FAAP100: variants seen among roughly 807,000 people sequenced by gnomAD.
The protein encoded by FAAP100 is Fanconi anemia core complex-associated protein 100.
A neutral mutation model predicts 65.8 loss-of-function variants in FAAP100; 46 were observed. The observed-to-expected ratio is 0.70, with a 90% CI of 0.55 to 0.89. FAAP100 has a LOEUF of 0.89. Ranked by LOEUF, FAAP100 falls within the 40% of genes least tolerant of loss-of-function variation. The pLI, the probability that FAAP100 is intolerant of heterozygous loss-of-function variation, is 0.00. For missense variants in FAAP100, 1,165 were observed against 1,196.7 expected (o/e 0.97, Z 0.39); for synonymous variants, 663 against 555.1 (o/e 1.19, Z -2.73).
At chr17:81,542,166 C>CAAAAAAAAA (rs1157407171) in intron 7 of FAAP100, among the ~76,000 whole-genome samples, 1 of 63,758 alleles carries the variant, frequency 1.6e-5, no homozygotes, top group Non-Finnish European at 2.5e-5. Flanking sequence ...GACTCCGTCT[C>CAAAAAAAAA]AAAAAAAAAA....
intron 6 of FAAP100, 139 bp downstream of exon 6, chr17:81,545,607 A>AT: frequency 8.2e-7 from 1 of 1,213,124 alleles, no homozygotes; most frequent in South Asian, 1.6e-5. Context: ...GGAAACTGTC[A>AT]TATCAGAGTC....
chr17:81,541,077 T>C (rs1266011503), intron 8 of FAAP100, 127 bp from the exon 9 acceptor site: 3 of 1,286,424 alleles, frequency 2.3e-6, no homozygotes, highest in Admixed American at 5.2e-5. Context: ...GGAAGAACAC[T>C]CATCCGGAAC....
intron 5 of FAAP100, chr17:81,546,590 C>T (rs11868828): frequency 0.13 from 40,087 of 314,966 alleles, 3,415 homozygotes; most frequent in African/African-American, 0.27. Context: ...CAGAGCCCAA[C>T]AGCAGAGAGA....
At chr17:81,541,034 A>C in intron 8 of FAAP100, 84 bp from the exon 9 acceptor site, 2 of 1,448,012 alleles carry the variant, frequency 1.4e-6, no homozygotes, top group Non-Finnish European at 1.8e-6. Context: ...CACCACTCGC[A>C]GGACCCTACT....
intron 2 of FAAP100, 170 bp downstream of exon 2, chr17:81,551,758 G>C: frequency 1.5e-6 from 2 of 1,366,762 alleles, no homozygotes; most frequent in Non-Finnish European, 1.9e-6. Context: ...GACACTTGCA[G>C]AAAGAGTGCT....
In FAAP100 at chr17:81,540,621, G is replaced by C; in HGVS notation, c.*198C>G. The C allele has an allele frequency of 5.8e-6, 4 of 693,764 alleles. No individual in the cohort carries two copies. The South Asian group carries it at 1.3e-4, about 23-fold the overall frequency. 43.0% of individuals were successfully genotyped at this position (693,764 alleles called of 1,614,324 possible). ...CCGGCCAGGTTCAGAGCCCGCCTCG[G>C]TTGCTCCCAATCAGAATCTGCTTTG... On this transcript the variant is annotated 3_prime_UTR_variant, in exon 9 of 9. Coordinates refer to ENST00000327787, the MANE Select transcript of FAAP100 (RefSeq NM_025161.6).
intron 5 of FAAP100, 33 bp from the exon 6 acceptor site, chr17:81,545,915 T>C: frequency 6.3e-7 from 1 of 1,588,822 alleles, no homozygotes; most frequent in South Asian, 1.1e-5. Context: ...GAGCTCAGCC[T>C]GATCCTACCA....
At position 81,551,207 on chromosome 17, in the gene FAAP100, T is replaced by A; in HGVS notation, c.291-4A>T. ...CCTGTCATCCTGGCTCGTAGACCTT[T>A]GAGAACAGGGACGCACTGGTCAGGC... On this transcript the variant is annotated splice_polypyrimidine_tract_variant and splice_region_variant and intron_variant, in intron 2 of 8. Transcript: ENST00000327787. 1 of 1,513,252 alleles carries A rather than the reference T, an allele frequency of 6.6e-7. No individual in the cohort carries two copies. Among genetic ancestry groups the A allele is most frequent in the Non-Finnish European group, 8.9e-7 (1 of 1,123,436 alleles). The allele number at this position is 1,513,252 out of a possible 1,614,324, so 93.7% of individuals were successfully genotyped here.
At position 81,540,314 on chromosome 17, in the gene FAAP100, T is replaced by C; in HGVS notation, c.*505A>G. The C allele has an allele frequency of 2.5e-6, 1 of 399,586 alleles. No homozygotes were observed. The highest frequency in any genetic ancestry group is 4.4e-6 in the Non-Finnish European group (1 of 226,602). 24.8% of individuals were successfully genotyped at this position (399,586 alleles called of 1,614,324 possible). ...CCCAGAGTGGGCAGCCGGGCAGGTG[T>C]GAACAGTGTGACAAGGGTACCGTGG... On this transcript the variant is annotated 3_prime_UTR_variant, in exon 9 of 9. Coordinates refer to ENST00000327787, the MANE Select transcript of FAAP100 (RefSeq NM_025161.6).
intron 4 of FAAP100, among the ~76,000 whole-genome samples, chr17:81,548,972 G>A (rs190727557): frequency 2.1e-5 from 3 of 142,368 alleles, no homozygotes; most frequent in Admixed American, 7.2e-5. Context: ...CCCGGGAGGC[G>A]GAGCTTGCAG....
chr17:81,541,363 G>T lies in FAAP100; in HGVS notation c.2460C>A (p.Ser820=). The part of the protein sequence containing the change: ...TMVTEQATQG[S]SAPDLRVQYL... The stretch of plus-strand genomic sequence containing the variant: ...ACTGCACACGGAGATCAGGAGCGCT[G>T]GAGCCCTGGGTGGCCTGCTCTGTCA... Residue 820 remains serine, a synonymous_variant, in exon 8 of 9, where the codon TCC becomes TCA. Coordinates refer to ENST00000327787, the MANE Select transcript of FAAP100 (RefSeq NM_025161.6). 6.2e-7 allele frequency: 1 copy of T among 1,611,600 alleles called. No homozygotes were observed.
At chr17:81,543,428 G>A (rs988577307) in intron 7 of FAAP100, among the ~76,000 whole-genome samples, 23 of 152,196 alleles carry the variant, frequency 1.5e-4, no homozygotes, top group African/African-American at 4.1e-4. Flanking sequence ...GCCTTCCCGC[G>A]GGCACGAGCT....
intron 3 of FAAP100, 116 bp downstream of exon 3, chr17:81,550,132 C>G (rs915170588): frequency 9.7e-7 from 1 of 1,029,958 alleles, no homozygotes; most frequent in African/African-American, 1.6e-5. Flanking sequence ...TATCAGCACC[C>G]GTCAGCCTTG....
Position 81,540,569 on chromosome 17 carries a change from G to C in FAAP100, c.*250C>G, listed in dbSNP as rs995330570. 4.3e-5 allele frequency: 20 copies of C among 461,304 alleles called. No individual in the cohort carries two copies. Among genetic ancestry groups the C allele is most frequent in the Non-Finnish European group, 7.1e-5 (19 of 266,902 alleles). 28.6% of individuals were successfully genotyped at this position (461,304 alleles called of 1,614,324 possible). ...CTGCGGCCGCGGTCAGAGAAGGAGAGACACCAGCAGAGGACGCGAAGCTGG... is the reference window on the plus strand; with the variant it reads ...CTGCGGCCGCGGTCAGAGAAGGAGACACACCAGCAGAGGACGCGAAGCTGG... On this transcript the variant is annotated 3_prime_UTR_variant, in exon 9 of 9. Coordinates refer to ENST00000327787, the MANE Select transcript of FAAP100 (RefSeq NM_025161.6).
At chr17:81,552,100 G>T in intron 1 of FAAP100, 48 bp from the exon 2 acceptor site, 1 of 1,461,572 alleles carries the variant, frequency 6.8e-7, no homozygotes, top group Admixed American at 2.7e-5. Context: ...CGGGCCCGCG[G>T]TCTTCATTTT....
In FAAP100 at chr17:81,547,381, GA is replaced by G; in HGVS notation, c.1700del (p.Ile567ThrfsTer14). ...CACCGGGGCCGAGCTGGTCCACGGG[GA>G]TGGTGTAGGTGATGGCGGAGCAGGC... ...DSACSAITYT[I>X]PVDQLGPGAR... On this transcript the variant is annotated frameshift_variant, in exon 5 of 9. Coordinates refer to ENST00000327787, the MANE Select transcript of FAAP100 (RefSeq NM_025161.6). LOFTEE classifies it high-confidence loss of function. 1 of 1,612,904 alleles carries G rather than the reference GA, an allele frequency of 6.2e-7. No individual in the cohort carries two copies. Among genetic ancestry groups the G allele is most frequent in the Non-Finnish European group, 8.5e-7 (1 of 1,180,002 alleles).
Position 81,545,682 on chromosome 17 carries a change from G to A in FAAP100, c.2310+64C>T, listed in dbSNP as rs138319622. 513 of 1,549,400 alleles carry A rather than the reference G, an allele frequency of 3.3e-4. 2 individuals carry two copies. The East Asian group carries it at 9.7e-3, about 29-fold the overall frequency. ...AGGGTGAGGGGTCCTCCCGAGCTCC[G>A]GCCCAGGGGCCCCACCCCAAGAACT... On this transcript the variant is annotated intron_variant, in intron 6 of 8. Coordinates refer to ENST00000327787, the MANE Select transcript of FAAP100 (RefSeq NM_025161.6).
chr17:81,552,417 G>A (rs952418698), upstream of FAAP100: 2 of 1,196,206 alleles, frequency 1.7e-6, no homozygotes, highest in Non-Finnish European at 2.1e-6. Flanking sequence ...CCGCTGTGCG[G>A]CGCGACCTCC....
Position 81,547,119 on chromosome 17 carries a change from A to C in FAAP100, c.1963T>G (p.Phe655Val). Residue 655 changes from phenylalanine to valine, a missense_variant, in exon 5 of 9, where the codon TTC becomes GTC. Coordinates refer to ENST00000327787, the MANE Select transcript of FAAP100 (RefSeq NM_025161.6). The part of the protein sequence containing the change: ...HTVDMLQCLR[F>V]PGLAPPHTRA... ...GTGTGTGGCGGGGCCAGGCCAGGGA[A>C]GCGCAGACACTGCAGCATGTCCACT... is the stretch of plus-strand genomic sequence containing the variant. 2 of 1,528,964 alleles carry C rather than the reference A, an allele frequency of 1.3e-6. No homozygotes were observed. The highest frequency in any genetic ancestry group is 1.8e-6 in the Non-Finnish European group (2 of 1,137,392). 94.7% of individuals were successfully genotyped at this position (1,528,964 alleles called of 1,614,324 possible).
Sources: allele counts gnomAD v4.1 joint callset (sites outside exome capture counted in the v4.1 genomes callset), GRCh38; gene constraint gnomAD v4.1.1; transcripts MANE v1.5; gene names NCBI Gene and HGNC (gene_info 2026-07-23, HGNC 2026-07-21).